The following SPAG16 variants were observed in gnomAD, a reference collection of about 807,000 sequenced individuals.
SPAG16 encodes the protein sperm associated antigen 16, also known as sperm-associated antigen 16 protein.
A neutral mutation model predicts 80.4 loss-of-function variants in SPAG16; 86 were observed. That is an observed-to-expected ratio of 1.07 (90% CI 0.90 to 1.28). SPAG16 has a LOEUF of 1.28. Ranked by LOEUF, SPAG16 falls within the 50% of genes most tolerant of loss-of-function variation. The probability of loss-of-function intolerance (pLI) is 0.00; values close to 1 mark genes in which losing one functional copy is unlikely to be tolerated. For synonymous variants in SPAG16, 294 were observed against 265.9 expected, an observed-to-expected ratio of 1.11 and a Z score of -1.03; for missense variants, 870 against 765.3, an observed-to-expected ratio of 1.14 and a Z score of -1.61.
At chr2:213,956,504 G>A (rs908563854) in intron 12 of SPAG16, among the ~76,000 whole-genome samples, 1 of 144,542 alleles carries the variant, frequency 6.9e-6, no homozygotes, top group Admixed American at 7.0e-5. Context: ...CTGGAGTGCA[G>A]TGGTGTAATC....
At chr2:213,622,282 G>A (rs566491828) in intron 10 of SPAG16, among the ~76,000 whole-genome samples, 32 of 152,132 alleles carry the variant, frequency 2.1e-4, no homozygotes, top group African/African-American at 7.5e-4. Context: ...GGACCTTCAG[G>A]CCTCTCAAAA....
intron 11 of SPAG16, among the ~76,000 whole-genome samples, chr2:213,892,653 T>C (rs1344726370): frequency 6.6e-6 from 1 of 151,990 alleles, no homozygotes; most frequent in Non-Finnish European, 1.5e-5. Context: ...AGCTGAGAAA[T>C]ACATAAGCTG....
At chr2:213,762,118 T>C (rs528317492) in intron 10 of SPAG16, among the ~76,000 whole-genome samples, 2 of 152,232 alleles carry the variant, frequency 1.3e-5, no homozygotes, top group South Asian at 4.1e-4. Flanking sequence ...ATTATCTCAA[T>C]TGCAGAAGAA....
chr2:214,025,675 G>A (rs2048092172), intron 13 of SPAG16, among the ~76,000 whole-genome samples: 2 of 151,486 alleles, frequency 1.3e-5, no homozygotes, highest in African/African-American at 4.8e-5. Flanking sequence ...TAGATTTATA[G>A]CACCAGAAAA....
intron 12 of SPAG16, among the ~76,000 whole-genome samples, chr2:213,973,013 G>A (rs569344519): frequency 6.6e-6 from 1 of 152,128 alleles, no homozygotes; most frequent in Non-Finnish European, 1.5e-5. Context: ...ACACCTCTCA[G>A]TGTTTGACGA....
intron 10 of SPAG16, among the ~76,000 whole-genome samples, chr2:213,703,682 T>C (rs950837085): frequency 7.2e-5 from 11 of 152,260 alleles, no homozygotes; most frequent in African/African-American, 2.6e-4. Flanking sequence ...CGCAAGTCCA[T>C]CTCAGCTTGA....
At chr2:214,119,826 T>C (rs187730941) in intron 14 of SPAG16, among the ~76,000 whole-genome samples, 1 of 152,152 alleles carries the variant, frequency 6.6e-6, no homozygotes, top group Admixed American at 6.6e-5. Flanking sequence ...TTGGTCTTTG[T>C]ATATCTGGAA....
intron 13 of SPAG16, among the ~76,000 whole-genome samples, chr2:214,046,707 C>T (rs545577420): frequency 9.2e-5 from 14 of 151,694 alleles, no homozygotes; most frequent in African/African-American, 2.9e-4. Flanking sequence ...GACAAGAGAA[C>T]GAAATAAAAA....
At chr2:214,328,659 T>A (rs917804182) in intron 15 of SPAG16, among the ~76,000 whole-genome samples, 3 of 152,338 alleles carry the variant, frequency 2.0e-5, no homozygotes, top group East Asian at 1.9e-4. Flanking sequence ...TCTATTATTT[T>A]ATAAAATTAT....
intron 10 of SPAG16, among the ~76,000 whole-genome samples, chr2:213,643,262 G>T (rs1211970382): frequency 6.8e-6 from 1 of 146,294 alleles, no homozygotes; most frequent in Non-Finnish European, 1.5e-5. Context: ...TTTTTATTCA[G>T]CACTCTAAAT....
At chr2:213,981,615 T>C (rs1375061020) in intron 12 of SPAG16, among the ~76,000 whole-genome samples, 1 of 152,088 alleles carries the variant, frequency 6.6e-6, no homozygotes, top group Non-Finnish European at 1.5e-5. Flanking sequence ...GAAAATAGCG[T>C]ACCTATAGGT....
chr2:213,640,106 T>C (rs1043958142), intron 10 of SPAG16, among the ~76,000 whole-genome samples: 30 of 152,196 alleles, frequency 2.0e-4, no homozygotes, highest in African/African-American at 6.8e-4. Flanking sequence ...TTTTTATTTA[T>C]GATGTCTATT....
At chr2:213,440,276 G>C (rs1386672763) in intron 9 of SPAG16, among the ~76,000 whole-genome samples, 2 of 152,162 alleles carry the variant, frequency 1.3e-5, no homozygotes, top group Non-Finnish European at 2.9e-5. Context: ...TAGGCTGGGT[G>C]CAGTGGCTCA....
chr2:213,414,364 A>G lies in SPAG16; in HGVS notation c.942+39245A>G, dbSNP rs970444887. Among the ~76,000 whole-genome samples, 60 of 152,184 alleles carry G rather than the reference A, an allele frequency of 3.9e-4. 2 individuals are homozygous for G. Among genetic ancestry groups the G allele is most frequent in the Admixed American group, 2.0e-4 (3 of 15,288 alleles). ...AAAATTTCTTTATTATTTTAAGATT[A>G]GTTCCTTAATTAATTAGACATTTTT... On this transcript the variant is annotated intron_variant, in intron 9 of 15. Coordinates refer to ENST00000331683, the MANE Select transcript of SPAG16 (RefSeq NM_024532.5).
At chr2:214,071,656 C>T (rs2050793375) in intron 13 of SPAG16, among the ~76,000 whole-genome samples, 1 of 152,136 alleles carries the variant, frequency 6.6e-6, no homozygotes, top group African/African-American at 2.4e-5. Flanking sequence ...GAAGAGGCAG[C>T]TGTCAGTCAG....
chr2:213,697,022 A>G (rs1226726559), intron 10 of SPAG16, among the ~76,000 whole-genome samples: 1 of 152,212 alleles, frequency 6.6e-6, no homozygotes, highest in Non-Finnish European at 1.5e-5. Flanking sequence ...CAAGTTCATT[A>G]GAAAGTGAGT....
At chr2:213,579,218 G>A (rs574823117) in intron 10 of SPAG16, among the ~76,000 whole-genome samples, 1 of 151,972 alleles carries the variant, frequency 6.6e-6, no homozygotes, top group African/African-American at 2.4e-5. Flanking sequence ...AATGTAATAA[G>A]GGATTCTTTG....
rs561892929 is a variant in SPAG16 at position 214,313,102 on chromosome 2, G to A, written c.1721-97038G>A. Among the ~76,000 whole-genome samples, 7 of 151,888 alleles carry A rather than the reference G, an allele frequency of 4.6e-5. No individual in the cohort carries two copies. In the South Asian group the frequency reaches 1.5e-3, roughly 31 times the overall value. On this transcript the variant is annotated intron_variant, in intron 15 of 15. Transcript: ENST00000331683. ...AAACAACTTAACTATAGATAAAATT[G>A]TTTTCAGTAAACAAAATACTTTAAA... is the stretch of plus-strand genomic sequence containing the variant.
chr2:213,442,714 C>T (rs1051232608), intron 9 of SPAG16, among the ~76,000 whole-genome samples: 17 of 151,876 alleles, frequency 1.1e-4, no homozygotes, highest in East Asian at 3.9e-4. Context: ...ATTGGACACT[C>T]GTAAAAAAAT....
Sources: allele counts gnomAD v4.1 joint callset (sites outside exome capture counted in the v4.1 genomes callset), GRCh38; gene constraint gnomAD v4.1.1; transcripts MANE v1.5; gene names NCBI Gene and HGNC (gene_info 2026-07-23, HGNC 2026-07-21).